FAM184B: variants seen among roughly 807,000 people sequenced by gnomAD.
FAM184B encodes family with sequence similarity 184 member B.
In FAM184B, 111 loss-of-function variants were observed where a neutral mutation model predicts 135.9. The observed-to-expected ratio is 0.82, with a 90% CI of 0.70 to 0.96. FAM184B has a LOEUF of 0.96. Ranked by LOEUF, FAM184B falls within the 40% of genes least tolerant of loss-of-function variation. The probability of loss-of-function intolerance (pLI) is 0.00; values close to 1 mark genes in which losing one functional copy is unlikely to be tolerated. For missense variants in FAM184B, 1,375 were observed against 1,323.9 expected (o/e 1.04, Z -0.60); for synonymous variants, 552 against 524.8 (o/e 1.05, Z -0.71).
intron 7 of FAM184B, among the ~76,000 whole-genome samples, chr4:17,672,743 G>A (rs144249986): frequency 5.3e-5 from 8 of 152,230 alleles, no homozygotes; most frequent in East Asian, 1.9e-4. Flanking sequence ...TGATCATGGC[G>A]AATCATCTTT....
chr4:17,705,672 A>T (rs1039417837), intron 4 of FAM184B, 80 bp downstream of exon 4: 1 of 1,486,554 alleles, frequency 6.7e-7, no homozygotes, highest in South Asian at 1.3e-5. Context: ...ATGCTTGGGG[A>T]CTGGCCTCTA....
rs1179086595 is a variant in FAM184B, at chr4:17,716,846, T to A, written c.142-7202A>T. ...ATTTTATTCTATTCTATTGTCTCCC[T>A]CTGTCTTCCAGGCTGAAGTGCAGTG... is the stretch of plus-strand genomic sequence containing the variant. On this transcript the variant is annotated intron_variant, in intron 1 of 17. Transcript: ENST00000265018. 3.3e-5 allele frequency among the ~76,000 whole-genome samples: 5 copies of A among 152,156 alleles called. 1 individual carries two copies. In the East Asian group the frequency reaches 9.7e-4, roughly 29 times the overall value.
chr4:17,676,581 A>C (rs1716313713), intron 7 of FAM184B, among the ~76,000 whole-genome samples: 1 of 152,216 alleles, frequency 6.6e-6, no homozygotes, highest in African/African-American at 2.4e-5. Flanking sequence ...TTGGGAAACC[A>C]ATAAATTTGT....
intron 7 of FAM184B, among the ~76,000 whole-genome samples, chr4:17,680,695 G>C (rs939704971): frequency 6.6e-6 from 1 of 152,132 alleles, no homozygotes; most frequent in Non-Finnish European, 1.5e-5. Context: ...AGTGTGCACG[G>C]AAAAATAAAT....
At chr4:17,778,544 TA>T (rs1401927616) in intron 1 of FAM184B, among the ~76,000 whole-genome samples, 1 of 152,226 alleles carries the variant, frequency 6.6e-6, no homozygotes, top group Non-Finnish European at 1.5e-5. Context: ...CTTTTAACTA[TA>T]AAAACTATTT....
chr4:17,647,020 A>C (rs530592702), intron 12 of FAM184B, among the ~76,000 whole-genome samples: 91 of 152,350 alleles, frequency 6.0e-4, no homozygotes, highest in African/African-American at 2.1e-3. Flanking sequence ...AATGTTCTGC[A>C]GATCCAGAGG....
At chr4:17,635,296 C>T (rs140813505) in intron 15 of FAM184B, among the ~76,000 whole-genome samples, 183 bp from the exon 16 acceptor site, 17 of 152,160 alleles carry the variant, frequency 1.1e-4, no homozygotes, top group African/African-American at 3.4e-4. Context: ...TTTTTTATGT[C>T]CCCAGCCCCT....
intron 1 of FAM184B, among the ~76,000 whole-genome samples, chr4:17,749,961 C>G (rs555092838): frequency 7.9e-5 from 12 of 152,186 alleles, no homozygotes; most frequent in Admixed American, 7.9e-4. Context: ...ATATAAAATT[C>G]CATCATGTAC....
chr4:17,645,547 C>G (rs569990992), intron 12 of FAM184B, among the ~76,000 whole-genome samples: 1 of 151,874 alleles, frequency 6.6e-6, no homozygotes, highest in Non-Finnish European at 1.5e-5. Flanking sequence ...AAACTGGATC[C>G]CTTCCTTACA....
chr4:17,756,320 G>A (rs938665072), intron 1 of FAM184B, among the ~76,000 whole-genome samples: 5 of 151,916 alleles, frequency 3.3e-5, no homozygotes, highest in Admixed American at 3.3e-4. Context: ...AACACTGAAG[G>A]GTTTCTCTAA....
chr4:17,763,481 G>T (rs939720816), intron 1 of FAM184B, among the ~76,000 whole-genome samples: 8 of 152,230 alleles, frequency 5.3e-5, no homozygotes, highest in East Asian at 1.9e-4. Context: ...GCTGTTACCA[G>T]ATAATTTGAT....
chr4:17,691,643 G>T (rs895440350), intron 6 of FAM184B, among the ~76,000 whole-genome samples: 1 of 145,170 alleles, frequency 6.9e-6, no homozygotes, highest in Non-Finnish European at 1.5e-5. Context: ...CTGAGATCAC[G>T]CCAATGCACT....
chr4:17,750,682 G>T (rs930441982), intron 1 of FAM184B, among the ~76,000 whole-genome samples: 1 of 152,120 alleles, frequency 6.6e-6, no homozygotes, highest in Non-Finnish European at 1.5e-5. Context: ...AAGAATTACC[G>T]TTCTAATGAA....
chr4:17,704,080 G>A (rs980389401), intron 5 of FAM184B, among the ~76,000 whole-genome samples: 5 of 152,134 alleles, frequency 3.3e-5, no homozygotes, highest in Admixed American at 6.5e-5. Flanking sequence ...ATAATCTTGA[G>A]TATTTACTAC....
At chr4:17,678,124 C>A (rs957826750) in intron 7 of FAM184B, among the ~76,000 whole-genome samples, 3 of 152,214 alleles carry the variant, frequency 2.0e-5, no homozygotes, top group Non-Finnish European at 4.4e-5. Flanking sequence ...ACAAGGTTGC[C>A]CACTCTCACC....
intron 1 of FAM184B, among the ~76,000 whole-genome samples, chr4:17,746,381 C>G (rs1718162922): frequency 6.6e-6 from 1 of 152,090 alleles, no homozygotes; most frequent in South Asian, 2.1e-4. Context: ...ACTGTTTTAG[C>G]CAATGGTTCT....
intron 10 of FAM184B, among the ~76,000 whole-genome samples, chr4:17,655,411 G>C (rs955413237): frequency 1.6e-4 from 25 of 152,140 alleles, no homozygotes; most frequent in African/African-American, 5.8e-4. Flanking sequence ...TTGGCAGTGA[G>C]GATCACACAG....
chr4:17,769,337 C>A (rs910797316), intron 1 of FAM184B, among the ~76,000 whole-genome samples: 7 of 152,040 alleles, frequency 4.6e-5, no homozygotes, highest in Non-Finnish European at 7.4e-5. Context: ...TATCACTATA[C>A]TTATAGATTT....
At position 17,632,005 on chromosome 4, in the gene FAM184B, T is replaced by A. The variant is rs1560161442; in HGVS notation, c.*527A>T. ...GTCATTAGTAACGCTAATAACATTT[T>A]CCTATAGATGACTTTTAATAACACT... On this transcript the variant is annotated 3_prime_UTR_variant, in exon 18 of 18. Coordinates refer to ENST00000265018, the MANE Select transcript of FAM184B (RefSeq NM_015688.2). The A allele has an allele frequency of 6.6e-6, 1 of 151,174 alleles. No individual in the cohort carries two copies. Among genetic ancestry groups the A allele is most frequent in the Non-Finnish European group, 1.5e-5 (1 of 67,940 alleles). The allele number at this position is 151,174 out of a possible 1,614,324, so 9.4% of individuals were successfully genotyped here.
Sources: gnomAD v4.1 joint callset for allele counts (sites outside exome capture counted in the v4.1 genomes callset) on GRCh38, gnomAD v4.1.1 for gene constraint, MANE v1.5 for transcripts, NCBI Gene and HGNC (gene_info 2026-07-23, HGNC 2026-07-21) for gene names.